LRP5: variants seen among roughly 807,000 people sequenced by gnomAD.
LRP5 encodes low-density lipoprotein receptor-related protein 5.
A neutral mutation model predicts 154.1 loss-of-function variants in LRP5; 62 were observed. The ratio of observed to expected loss-of-function variants is 0.40; its 90% CI spans 0.33 to 0.50. The LOEUF (loss-of-function observed/expected upper bound fraction) is 0.50. LRP5 is among the 20% of genes least tolerant of loss of function. The pLI is 0.55. For synonymous variants in LRP5, 966 were observed against 1,011.5 expected (o/e 0.96, Z 0.85); for missense variants, 1,915 against 2,336.7 (o/e 0.82, Z 3.72).
rs749022362 is a variant in LRP5, at chr11:68,433,598, C to T, written c.3764-4C>T. 27 of 1,612,212 alleles carry T rather than the reference C, an allele frequency of 1.7e-5. No individual in the cohort carries two copies. Among genetic ancestry groups the T allele is most frequent in the East Asian group, 2.2e-5 (1 of 44,882 alleles). On this transcript the variant is annotated splice_region_variant and splice_polypyrimidine_tract_variant and intron_variant, in intron 17 of 22. Transcript: ENST00000294304. ...TGTGATGTTCTCCTCTGTCCCTCCC[C>T]CAGAGCCGCCCACCTGCTCCCCGGA...
intron 19 of LRP5, among the ~76,000 whole-genome samples, chr11:68,438,006 G>A (rs1229700290): frequency 3.3e-5 from 5 of 152,346 alleles, no homozygotes; most frequent in African/African-American, 1.2e-4. Flanking sequence ...GGGCAGCCTT[G>A]ATAGTGGAGT....
intron 10 of LRP5, 52 bp from the exon 11 acceptor site, chr11:68,411,384 C>G (rs1034372251): frequency 1.9e-6 from 3 of 1,590,672 alleles, no homozygotes; most frequent in African/African-American, 2.7e-5. Flanking sequence ...ACCCACTGTC[C>G]TGCGGTGAGA....
chr11:68,442,542 G>A (rs2098678740), intron 21 of LRP5, among the ~76,000 whole-genome samples: 1 of 152,140 alleles, frequency 6.6e-6, no homozygotes, highest in African/African-American at 2.4e-5. Flanking sequence ...TCCCAAAGTG[G>A]TAGGATTACA....
intron 5 of LRP5, among the ~76,000 whole-genome samples, chr11:68,369,506 C>T (rs897929443): frequency 3.3e-5 from 5 of 152,112 alleles, no homozygotes; most frequent in African/African-American, 1.2e-4. Context: ...ACAAGCAGAT[C>T]GTGCAGTCGT....
rs1377286973 is a variant in LRP5 at position 68,386,160 on chromosome 11, G to C, written c.1016-156G>C. ...ATGAGGATGAACGAGTGACCATGTA[G>C]CATGGGCTGGGTGCGTGTCACCTAA... On this transcript the variant is annotated intron_variant, in intron 5 of 22. Transcript: ENST00000294304. This position sits in a 1 kb window ranked among gnomAD's most constrained non-coding sequence, Gnocchi z 7.9. Among the ~76,000 whole-genome samples, 3 of 152,194 alleles carry C rather than the reference G, an allele frequency of 2.0e-5. No individual in the cohort carries two copies. Among genetic ancestry groups the C allele is most frequent in the Non-Finnish European group, 4.4e-5 (3 of 68,012 alleles).
rs373199383 is a variant in LRP5 at position 68,423,723 on chromosome 11, G to A, written c.3236+26G>A. ...GTAGGAGGCCAACGGGTGGGTGGGG[G>A]TGCTGCCCGTCCAGGCGTGCCCGCC... is the stretch of plus-strand genomic sequence containing the variant. On this transcript the variant is annotated intron_variant, in intron 14 of 22. Transcript: ENST00000294304. The surrounding 1 kb of genome is among the most constrained non-coding windows in gnomAD (Gnocchi z 4.7). 70 of 1,590,948 alleles carry A rather than the reference G, an allele frequency of 4.4e-5. No individual in the cohort carries two copies. The Middle Eastern group carries it at 5.6e-4, about 13-fold the overall frequency.
intron 7 of LRP5, among the ~76,000 whole-genome samples, chr11:68,399,384 A>C (rs760401697): frequency 2.0e-4 from 31 of 151,946 alleles, no homozygotes; most frequent in Non-Finnish European, 4.0e-4. Flanking sequence ...TAAAAAAAAA[A>C]ACCAAAAAAC....
rs543586821 is a variant in LRP5 at position 68,416,955 on chromosome 11, A to G, written c.3027+428A>G. Among the ~76,000 whole-genome samples the G allele has an allele frequency of 5.9e-5, 9 of 152,332 alleles. No individual in the cohort carries two copies. In the South Asian group the frequency reaches 1.7e-3, roughly 28 times the overall value. On this transcript the variant is annotated intron_variant, in intron 13 of 22. Transcript: ENST00000294304. ...TCGCACAGTAAAAATGACACAACTC[A>G]TAGGGAAAGCGGGGCCAGGGCACAG...
intron 2 of LRP5, among the ~76,000 whole-genome samples, chr11:68,351,316 C>T (rs544768672): frequency 7.8e-4 from 119 of 152,070 alleles, no homozygotes; most frequent in Non-Finnish European, 1.5e-3. Context: ...AGCCAGCTGA[C>T]CTCCGGGGCA....
At chr11:68,444,333 A>G (rs927078200) in intron 21 of LRP5, among the ~76,000 whole-genome samples, 7 of 151,884 alleles carry the variant, frequency 4.6e-5, no homozygotes, top group Non-Finnish European at 7.4e-5. Context: ...TGGCCAACAT[A>G]GTGAAACCCC....
intron 1 of LRP5, among the ~76,000 whole-genome samples, chr11:68,333,486 C>T (rs1330035078): frequency 6.6e-6 from 1 of 152,182 alleles, no homozygotes; most frequent in Admixed American, 6.5e-5. Context: ...TGGTCCCTGT[C>T]ATTTTAGCCT....
chr11:68,389,470 A>G (rs1202071148), intron 6 of LRP5, among the ~76,000 whole-genome samples: 2 of 152,156 alleles, frequency 1.3e-5, no homozygotes, highest in African/African-American at 4.8e-5. Flanking sequence ...ACTGGCATCT[A>G]CTGACACCAA....
In LRP5 at chr11:68,448,935, C is replaced by A. The variant is rs754790936; in HGVS notation, c.4713C>A (p.Asp1571Glu). ...ACCTGGATTTGAACTCGGACTCAGA[C>A]CCCTATCCACCCCCACCCACGCCCC... The part of the protein sequence containing the change: ...KYYLDLNSDS[D>E]PYPPPPTPHS... Residue 1571 changes from aspartate (D) to glutamate (E), a missense_variant, in exon 23 of 23, where the codon GAC becomes GAA. Physicochemically the swap from Asp to Glu is conservative, Grantham distance 45. This residue lies in a region of LRP5 where 1,094 missense variants were observed against 1,210.1 expected (regional missense o/e 0.90). Transcript: ENST00000294304. 6.2e-7 allele frequency: 1 copy of A among 1,613,510 alleles called. No homozygotes were observed. The highest frequency in any genetic ancestry group is 1.1e-5 in the South Asian group (1 of 91,054).
chr11:68,414,482 CAA>C (rs1459731886), intron 12 of LRP5, among the ~76,000 whole-genome samples: 1 of 152,144 alleles, frequency 6.6e-6, no homozygotes, highest in African/African-American at 2.4e-5. Context: ...CAGGCTGGCT[CAA>C]GAGTCCCTGC....
chr11:68,356,998 C>T (rs371611242), intron 2 of LRP5, among the ~76,000 whole-genome samples: 1 of 149,570 alleles, frequency 6.7e-6, no homozygotes, highest in Non-Finnish European at 1.5e-5. Context: ...TGCAATGGTG[C>T]GATTTCTGCT....
chr11:68,340,490 G>A lies in LRP5; in HGVS notation c.92-7357G>A, dbSNP rs150872572. Among the ~76,000 whole-genome samples the A allele has an allele frequency of 1.1e-4, 17 of 152,276 alleles. No homozygotes were observed. In the East Asian group the frequency reaches 2.7e-3, roughly 24 times the overall value. ...CCCTCCCGGCTGTTACCTCTTGAGCGCTTTTCTATGAAGCATCCTGTTTAA... is the reference window on the plus strand; with the variant it reads ...CCCTCCCGGCTGTTACCTCTTGAGCACTTTTCTATGAAGCATCCTGTTTAA... On this transcript the variant is annotated intron_variant, in intron 1 of 22. Transcript: ENST00000294304.
At chr11:68,445,854 G>A (rs2153184826) in intron 21 of LRP5, among the ~76,000 whole-genome samples, 1 of 152,388 alleles carries the variant, frequency 6.6e-6, no homozygotes, top group African/African-American at 2.4e-5. Flanking sequence ...TGAAGGGGGT[G>A]CCTTTGTCTG....
At chr11:68,365,072 C>T (rs1475864278) in intron 4 of LRP5, among the ~76,000 whole-genome samples, 4 of 152,138 alleles carry the variant, frequency 2.6e-5, no homozygotes, top group Non-Finnish European at 5.9e-5. Flanking sequence ...CTGCTGGGTC[C>T]ACACATAGCA....
rs2098661130 is a variant in LRP5, at chr11:68,414,004, A to G, written c.2819A>G (p.Asn940Ser). Reference sequence around the variant, plus strand: ...TACACCCTGGACCCCAGCAGCCGCAACTGCAGCCGTAAGTGCCTCATGGTC... The same window carrying G: ...TACACCCTGGACCCCAGCAGCCGCAGCTGCAGCCGTAAGTGCCTCATGGTC... The part of the protein sequence containing the change: ...SHYTLDPSSR[N>S]CSPPTTFLLF... The change falls in exon 12 of 23, where the codon AAC (asparagine) becomes AGC (serine). Residue 940 changes from asparagine to serine, a missense_variant. Asn to Ser is a conservative substitution (Grantham distance 46). Transcript: ENST00000294304. 1.2e-6 allele frequency: 2 copies of G among 1,603,516 alleles called. No homozygotes were observed. Among genetic ancestry groups the G allele is most frequent in the South Asian group, 1.1e-5 (1 of 91,052 alleles).
Sources: allele counts gnomAD v4.1 joint callset (sites outside exome capture counted in the v4.1 genomes callset), GRCh38; gene constraint gnomAD v4.1.1; regional missense constraint gnomAD v4.1.1; non-coding constraint Gnocchi (gnomAD v3.1); transcripts MANE v1.5; gene names NCBI Gene and HGNC (gene_info 2026-07-23, HGNC 2026-07-21).